The following CCDC82 variants were observed in gnomAD, a reference collection of about 807,000 sequenced individuals.
CCDC82 encodes coiled-coil domain-containing protein 82.
CCDC82 carries 47 observed loss-of-function variants against 60.6 expected under a neutral mutation model. That is an observed-to-expected ratio of 0.77 (90% CI 0.61 to 0.99). The LOEUF (loss-of-function observed/expected upper bound fraction) is 0.99. Ranked by LOEUF, CCDC82 falls within the 50% of genes least tolerant of loss-of-function variation. The pLI, the probability that CCDC82 is intolerant of heterozygous loss-of-function variation, is 0.00. For missense variants in CCDC82, 588 were observed against 633.0 expected, an observed-to-expected ratio of 0.93 and a Z score of 0.76; for synonymous variants, 212 against 207.4, an observed-to-expected ratio of 1.02 and a Z score of -0.19.
At chr11:96,353,857 A>G in intron 9 of CCDC82, 143 bp from the exon 10 acceptor site, 1 of 570,538 alleles carries the variant, frequency 1.8e-6, no homozygotes, top group South Asian at 2.4e-5. Context: ...CAGGAACTTA[A>G]TTTCAAATAA....
chr11:96,357,852 C>T, intron 9 of CCDC82: 4 of 985,252 alleles, frequency 4.1e-6, no homozygotes, highest in Non-Finnish European at 4.8e-6. Context: ...CAGGGAGAAG[C>T]ATTTGGAGTA....
intron 9 of CCDC82, chr11:96,354,505 T>G (rs1247464572): frequency 1.3e-5 from 2 of 152,224 alleles, no homozygotes; most frequent in African/African-American, 2.4e-5. Flanking sequence ...GGGACTGAAC[T>G]GATCTCAGGT....
chr11:96,360,263 T>G (rs7951071), intron 8 of CCDC82, among the ~76,000 whole-genome samples: 1 of 150,228 alleles, frequency 6.7e-6, no homozygotes, highest in Admixed American at 6.7e-5. Flanking sequence ...AGTGCAGTGG[T>G]GCAAGCTTGG....
At chr11:96,369,481 TAC>T (rs997334569) in intron 7 of CCDC82, among the ~76,000 whole-genome samples, 1 of 152,184 alleles carries the variant, frequency 6.6e-6, no homozygotes, top group African/African-American at 2.4e-5. Context: ...CTAATTTCAT[TAC>T]CGTTGTGTCT....
At chr11:96,361,346 A>AT (rs1477195466) in intron 8 of CCDC82, among the ~76,000 whole-genome samples, 3 of 151,994 alleles carry the variant, frequency 2.0e-5, no homozygotes, top group South Asian at 2.1e-4. Context: ...AAAAATCCTA[A>AT]TTTTTTTTCC....
At chr11:96,386,676 T>C (rs981626295) in intron 2 of CCDC82, 6 of 152,166 alleles carry the variant, frequency 3.9e-5, no homozygotes, top group South Asian at 2.1e-4. Context: ...GCATGAGCCA[T>C]TGCCCAAAGT....
chr11:96,356,111 A>T (rs1864334450), intron 9 of CCDC82: 1 of 152,162 alleles, frequency 6.6e-6, no homozygotes, highest in East Asian at 1.9e-4. Flanking sequence ...AAAATATTGG[A>T]TGTTTAACAT....
At chr11:96,381,307 T>A (rs1417771857) in intron 5 of CCDC82, 1 of 151,722 alleles carries the variant, frequency 6.6e-6, no homozygotes, top group Non-Finnish European at 1.5e-5. Flanking sequence ...CAGTGCCTAC[T>A]GATATAAGGA....
chr11:96,385,388 C>T (rs2136216471), intron 3 of CCDC82: 1 of 152,450 alleles, frequency 6.6e-6, no homozygotes, highest in South Asian at 2.1e-4. Context: ...GAATAGAAAA[C>T]TGAATGGGAT....
chr11:96,386,436 A>C (rs2136221431), intron 2 of CCDC82, 143 bp from the exon 3 acceptor site: 1 of 152,338 alleles, frequency 6.6e-6, no homozygotes, highest in South Asian at 2.1e-4. Context: ...AGCAGAAATT[A>C]TAGCGTGTAG....
chr11:96,388,527 TAA>T (rs1866336608), intron 1 of CCDC82: 1 of 152,204 alleles, frequency 6.6e-6, no homozygotes, highest in African/African-American at 2.4e-5. Context: ...GAATATATAT[TAA>T]AGACAATAAT....
In CCDC82 at chr11:96,384,133, T is replaced by A; in HGVS notation, c.615A>T (p.Val205=). ...SDDSDILVRK[V]GVKRPRRVVE... ...CCACTCTACGGGGACGTTTAACACC[T>A]ACTTTTCTAACTAGGATATCGCTGT... is the stretch of plus-strand genomic sequence containing the variant. Residue 205 remains valine (V), a synonymous_variant, in exon 4 of 10, where the codon GTA becomes GTT. Transcript: ENST00000646818. The A allele has an allele frequency of 1.2e-6, 2 of 1,613,726 alleles. No individual in the cohort carries two copies. Among genetic ancestry groups the A allele is most frequent in the South Asian group, 2.2e-5 (2 of 91,080 alleles).
intron 6 of CCDC82, among the ~76,000 whole-genome samples, chr11:96,371,992 T>C (rs928698797): frequency 2.6e-5 from 4 of 152,224 alleles, no homozygotes; most frequent in Non-Finnish European, 4.4e-5. Flanking sequence ...ATCATGTTTC[T>C]TTAAATAATC....
intron 5 of CCDC82, among the ~76,000 whole-genome samples, chr11:96,376,429 T>G (rs903203587): frequency 6.9e-6 from 1 of 145,858 alleles, no homozygotes; most frequent in South Asian, 2.1e-4. Flanking sequence ...GCCGTGCTTT[T>G]CTTTTTTTTT....
chr11:96,385,543 A>T (rs1866145539), intron 3 of CCDC82: 1 of 152,214 alleles, frequency 6.6e-6, no homozygotes. Flanking sequence ...TAATATATCC[A>T]CTAAGATTGT....
In CCDC82 at chr11:96,365,066, A is replaced by G. The variant is rs371250562; in HGVS notation, c.1294T>C (p.Tyr432His). 20 of 1,609,764 alleles carry G rather than the reference A, an allele frequency of 1.2e-5. No homozygotes were observed. In the Admixed American group the frequency reaches 1.5e-4, roughly 12 times the overall value. Reference protein sequence around the residue: ...CSCQACGLHRYCKYSVHLSGE... With the variant: ...CSCQACGLHRHCKYSVHLSGE... ...GATAAATGCACTGAATATTTACAGT[A>G]GCGATGCAGTCCACAAGCCTGGCAG... Residue 432 changes from tyrosine (Y) to histidine (H), a missense_variant, in exon 8 of 10, where the codon TAC (tyrosine) becomes CAC (histidine). Coordinates refer to ENST00000646818, the MANE Select transcript of CCDC82 (RefSeq NM_024725.4).
intron 9 of CCDC82, 184 bp from the exon 10 acceptor site, chr11:96,353,898 T>C: frequency 2.2e-6 from 1 of 444,616 alleles, no homozygotes; most frequent in Non-Finnish European, 4.0e-6. Context: ...ACTCATATAT[T>C]TCCATATAGA....
At chr11:96,372,760 A>G (rs1179698100) in intron 6 of CCDC82, among the ~76,000 whole-genome samples, 1 of 146,760 alleles carries the variant, frequency 6.8e-6, no homozygotes, top group African/African-American at 2.5e-5. Flanking sequence ...ATTTATATAT[A>G]TATTTATAAA....
intron 9 of CCDC82, chr11:96,358,127 C>T: frequency 1.0e-6 from 1 of 985,904 alleles, no homozygotes; most frequent in South Asian, 4.7e-5. Flanking sequence ...TCCTCTTTTA[C>T]AAATTTCCCT....
Sources: allele counts gnomAD v4.1 joint callset (sites outside exome capture counted in the v4.1 genomes callset), GRCh38; gene constraint gnomAD v4.1.1; transcripts MANE v1.5; gene names NCBI Gene and HGNC (gene_info 2026-07-23, HGNC 2026-07-21).